RALYL: variants seen among roughly 807,000 people sequenced by gnomAD.
RALYL encodes the protein RALY RNA binding protein like, also known as RNA-binding Raly-like protein.
Under a neutral mutation model 35.1 loss-of-function variants are expected in RALYL, and 29 were observed. That is an observed-to-expected ratio of 0.83 (90% confidence interval 0.61 to 1.13). The LOEUF (loss-of-function observed/expected upper bound fraction) is 1.13. Ranked by LOEUF, RALYL falls within the 50% of genes most tolerant of loss-of-function variation. The probability of loss-of-function intolerance (pLI) is 0.00; values close to 1 mark genes in which losing one functional copy is unlikely to be tolerated. For synonymous variants in RALYL, 120 were observed against 127.6 expected (o/e 0.94, Z 0.40); for missense variants, 359 against 360.4 (o/e 1.00, Z 0.03).
intron 2 of RALYL, among the ~76,000 whole-genome samples, chr8:84,759,936 G>T (rs184225176): frequency 2.6e-5 from 4 of 152,194 alleles, no homozygotes; most frequent in Admixed American, 2.6e-4. Context: ...ATATGTCTCA[G>T]CCCTTTCAGG....
intron 1 of RALYL, among the ~76,000 whole-genome samples, chr8:84,285,297 A>G (rs1370194793): frequency 6.6e-6 from 1 of 152,218 alleles, no homozygotes; most frequent in African/African-American, 2.4e-5. Context: ...CTAAAAAGTC[A>G]TTTAAGTATA....
At position 84,621,585 on chromosome 8, in the gene RALYL, C is replaced by A. The variant is rs1049457404; in HGVS notation, c.256+92008C>A. On this transcript the variant is annotated intron_variant, in intron 2 of 8. Transcript: ENST00000521268. Reference sequence around the variant, plus strand: ...CGTCGCTCACGCTGGGAGCTGTAGACCGGAGCTGTTCCTATTCAGCCATCT... The same window carrying A: ...CGTCGCTCACGCTGGGAGCTGTAGAACGGAGCTGTTCCTATTCAGCCATCT... 2.2e-5 allele frequency among the ~76,000 whole-genome samples: 3 copies of A among 133,816 alleles called. No homozygotes were observed. The South Asian group carries it at 6.3e-4, about 28-fold the overall frequency. The allele number at this position is 133,816 out of a possible 152,430, so 87.8% of individuals were successfully genotyped here. A position where few individuals can be genotyped will look rare whatever the true frequency, so the allele number is the denominator to read the frequency against.
intron 2 of RALYL, among the ~76,000 whole-genome samples, chr8:84,694,920 G>C (rs536372656): frequency 6.6e-6 from 1 of 151,800 alleles, no homozygotes; most frequent in East Asian, 1.9e-4. Context: ...ATTATTCTAA[G>C]CACTTTTTAT....
intron 1 of RALYL, among the ~76,000 whole-genome samples, chr8:84,497,630 G>GTTGTTTTT (rs2056182343): frequency 1.7e-5 from 2 of 119,124 alleles, no homozygotes; most frequent in African/African-American, 6.4e-5. Flanking sequence ...TTTTTTTGTT[G>GTTGTTTTT]TTTTTGTTTT....
chr8:84,436,524 C>G (rs1184509157), intron 1 of RALYL, among the ~76,000 whole-genome samples: 2 of 107,876 alleles, frequency 1.9e-5, no homozygotes, highest in East Asian at 2.7e-4. Context: ...AAGAGAGTGT[C>G]TTTTCAACAA....
At position 84,282,807 on chromosome 8, in the gene RALYL, A is replaced by G. The variant is rs1466380996; in HGVS notation, c.-24+98383A>G. 2.0e-5 allele frequency among the ~76,000 whole-genome samples: 3 copies of G among 151,476 alleles called. No individual in the cohort carries two copies. In the East Asian group the frequency reaches 5.8e-4, roughly 29 times the overall value. On this transcript the variant is annotated intron_variant, in intron 1 of 8. Transcript: ENST00000521268. ...ACATATATATAATTTAGATCTATAA[A>G]ATCAGTTGAGTATATATGTATAGGT...
chr8:84,209,379 A>G (rs1040344419), intron 1 of RALYL, among the ~76,000 whole-genome samples: 6 of 152,134 alleles, frequency 3.9e-5, no homozygotes, highest in African/African-American at 1.4e-4. Context: ...AAAAAACACA[A>G]ATTTAGAATC....
At chr8:84,484,246 A>G (rs2054361657) in intron 1 of RALYL, among the ~76,000 whole-genome samples, 1 of 152,124 alleles carries the variant, frequency 6.6e-6, no homozygotes, top group Non-Finnish European at 1.5e-5. Context: ...TCTGCTCTGC[A>G]AGGGATAAGG....
At chr8:84,435,608 T>TG (rs1192503638) in intron 1 of RALYL, among the ~76,000 whole-genome samples, 1 of 152,100 alleles carries the variant, frequency 6.6e-6, no homozygotes, top group Admixed American at 6.6e-5. Flanking sequence ...GATTGGATCA[T>TG]GTGAAGTGCT....
intron 2 of RALYL, among the ~76,000 whole-genome samples, chr8:84,690,514 C>T (rs1172489203): frequency 6.6e-6 from 1 of 152,006 alleles, no homozygotes; most frequent in African/African-American, 2.4e-5. Flanking sequence ...GGTCTCATCA[C>T]ACAAAAATGG....
At chr8:84,324,780 G>A (rs1235618584) in intron 1 of RALYL, among the ~76,000 whole-genome samples, 1 of 151,996 alleles carries the variant, frequency 6.6e-6, no homozygotes, top group African/African-American at 2.4e-5. Context: ...ATCACTTGAC[G>A]AATCAGGTTT....
At chr8:84,431,037 A>G (rs577221148) in intron 1 of RALYL, among the ~76,000 whole-genome samples, 1 of 152,248 alleles carries the variant, frequency 6.6e-6, no homozygotes, top group South Asian at 2.1e-4. Context: ...ACTAATACCG[A>G]TCTCATAAAA....
At chr8:84,576,450 A>G (rs1809455272) in intron 2 of RALYL, among the ~76,000 whole-genome samples, 1 of 152,260 alleles carries the variant, frequency 6.6e-6, no homozygotes, top group Non-Finnish European at 1.5e-5. Flanking sequence ...ACAAATCACT[A>G]GCTGAATTGG....
chr8:84,427,861 GTCT>G (rs1403028031), intron 1 of RALYL, among the ~76,000 whole-genome samples: 2 of 152,044 alleles, frequency 1.3e-5, no homozygotes, highest in East Asian at 3.9e-4. Context: ...GTTGACTGTG[GTCT>G]TCTTAAGCAA....
At chr8:84,223,209 C>CTCCCTTCCCT (rs57387257) in intron 1 of RALYL, among the ~76,000 whole-genome samples, 970 of 88,656 alleles carry the variant, frequency 0.011, 15 homozygotes, top group Non-Finnish European at 0.011. Context: ...CCTTCCATTC[C>CTCCCTTCCCT]TCCCTTCCCT....
chr8:84,431,296 A>G (rs1481854468), intron 1 of RALYL, among the ~76,000 whole-genome samples: 1 of 152,120 alleles, frequency 6.6e-6, no homozygotes, highest in Non-Finnish European at 1.5e-5. Context: ...TGACTCCACA[A>G]ATTGTGCACT....
chr8:84,310,843 C>A (rs1438627525), intron 1 of RALYL, among the ~76,000 whole-genome samples: 1 of 148,388 alleles, frequency 6.7e-6, no homozygotes, highest in Non-Finnish European at 1.5e-5. Context: ...GTCAGGAGAT[C>A]GAGACCGTCC....
At chr8:84,796,401 C>G (rs1863646) in intron 3 of RALYL, among the ~76,000 whole-genome samples, 1 of 152,048 alleles carries the variant, frequency 6.6e-6, no homozygotes, top group African/African-American at 2.4e-5. Context: ...TCTCAGAATT[C>G]ACCTACAGTT....
chr8:84,482,236 T>TGAG (rs1369438564), intron 1 of RALYL, among the ~76,000 whole-genome samples: 5 of 152,162 alleles, frequency 3.3e-5, no homozygotes, highest in Middle Eastern at 3.4e-3. Flanking sequence ...TTTTTTCAAA[T>TGAG]GAGGATAAAG....
Sources: allele counts gnomAD v4.1 joint callset (sites outside exome capture counted in the v4.1 genomes callset), GRCh38; gene constraint gnomAD v4.1.1; transcripts MANE v1.5; gene names NCBI Gene and HGNC (gene_info 2026-07-23, HGNC 2026-07-21).